GNAQ: variants seen among roughly 807,000 people sequenced by gnomAD.
The protein encoded by GNAQ is G protein subunit alpha q, also known as guanine nucleotide-binding protein G(q) subunit alpha.
In GNAQ, 8 loss-of-function variants were observed where a neutral mutation model predicts 43.9. The ratio of observed to expected loss-of-function variants is 0.18; its 90% CI spans 0.11 to 0.33. The LOEUF (loss-of-function observed/expected upper bound fraction) is 0.33, where lower values mean the gene tolerates loss of function less well. Ranked by LOEUF, GNAQ falls within the 10% of genes least tolerant of loss-of-function variation. The probability of loss-of-function intolerance (pLI) is 1.00; values close to 1 mark genes in which losing one functional copy is unlikely to be tolerated. For missense variants in GNAQ, 158 were observed against 450.8 expected, an observed-to-expected ratio of 0.35 and a Z score of 5.88; for synonymous variants, 155 against 170.7, an observed-to-expected ratio of 0.91 and a Z score of 0.71.
intron 1 of GNAQ, among the ~76,000 whole-genome samples, chr9:77,958,835 T>C (rs973109300): frequency 1.3e-5 from 2 of 152,062 alleles, no homozygotes; most frequent in Non-Finnish European, 2.9e-5. Context: ...CAAAATACAT[T>C]TGCAGACTGA....
intron 1 of GNAQ, among the ~76,000 whole-genome samples, chr9:78,029,540 C>A (rs1396528824): frequency 1.3e-5 from 2 of 152,002 alleles, no homozygotes; most frequent in African/African-American, 2.4e-5. Context: ...AAGCCCAACT[C>A]TTTCATCCAG....
At chr9:77,869,758 C>A (rs1454248470) in intron 2 of GNAQ, among the ~76,000 whole-genome samples, 2 of 152,122 alleles carry the variant, frequency 1.3e-5, no homozygotes, top group Non-Finnish European at 2.9e-5. Context: ...TCCTCATTGC[C>A]CTGCCTATAG....
chr9:77,906,266 G>C (rs531996221), intron 2 of GNAQ, among the ~76,000 whole-genome samples: 1 of 152,080 alleles, frequency 6.6e-6, no homozygotes, highest in Admixed American at 6.5e-5. Flanking sequence ...ATGAAATGAA[G>C]TACATCATCA....
intron 1 of GNAQ, among the ~76,000 whole-genome samples, chr9:77,952,485 G>C (rs191708601): frequency 2.2e-4 from 34 of 152,248 alleles, no homozygotes; most frequent in African/African-American, 7.7e-4. Context: ...AAGTATGTTA[G>C]CAGTATCCAA....
At chr9:78,014,122 C>G (rs991173114) in intron 1 of GNAQ, among the ~76,000 whole-genome samples, 26 of 151,862 alleles carry the variant, frequency 1.7e-4, no homozygotes, top group African/African-American at 6.3e-4. Context: ...GTGGAAAGCA[C>G]AACAAACCCA....
intron 1 of GNAQ, among the ~76,000 whole-genome samples, chr9:77,967,754 T>C (rs1357827956): frequency 6.6e-6 from 1 of 151,992 alleles, no homozygotes; most frequent in African/African-American, 2.4e-5. Context: ...CTGAGGCGGA[T>C]GGATCACCTG....
At position 77,907,816 on chromosome 9, in the gene GNAQ, C is replaced by A. The variant is rs151173052; in HGVS notation, c.321+14345G>T. ...GGCCCTTTGCTAGGTCCTGGGGACA[C>A]GGCAGTAACTTTAGCTGGCTGAAGT... On this transcript the variant is annotated intron_variant, in intron 2 of 6. Transcript: ENST00000286548. Among the ~76,000 whole-genome samples, 4 of 152,258 alleles carry A rather than the reference C, an allele frequency of 2.6e-5. No homozygotes were observed. The East Asian group carries it at 5.8e-4, about 22-fold the overall frequency.
intron 2 of GNAQ, among the ~76,000 whole-genome samples, chr9:77,837,376 A>AC (rs905228546): frequency 4.0e-5 from 6 of 151,842 alleles, no homozygotes; most frequent in Non-Finnish European, 4.4e-5. Flanking sequence ...ACATGGTGAG[A>AC]CCCCCGTCTC....
chr9:77,992,692 C>T (rs1302352782), intron 1 of GNAQ, among the ~76,000 whole-genome samples: 2 of 152,240 alleles, frequency 1.3e-5, no homozygotes, highest in East Asian at 3.9e-4. Flanking sequence ...GCCTGTAATC[C>T]TAGCACTTTG....
At chr9:77,785,609 C>T (rs1826464511) in intron 5 of GNAQ, among the ~76,000 whole-genome samples, 1 of 152,112 alleles carries the variant, frequency 6.6e-6, no homozygotes, top group Non-Finnish European at 1.5e-5. Context: ...AAGCTGAATA[C>T]TTATAATCTG....
At chr9:77,945,378 C>T (rs950451377) in intron 1 of GNAQ, among the ~76,000 whole-genome samples, 3 of 152,136 alleles carry the variant, frequency 2.0e-5, no homozygotes, top group African/African-American at 7.2e-5. Context: ...AAATTCCACA[C>T]TGCTTTGTTA....
At chr9:77,883,565 G>A (rs951831028) in intron 2 of GNAQ, among the ~76,000 whole-genome samples, 9 of 151,762 alleles carry the variant, frequency 5.9e-5, no homozygotes, top group Admixed American at 1.3e-4. Context: ...GCATACTGGC[G>A]GGGACTGGGC....
rs750702066 is a variant in GNAQ at position 77,979,494 on chromosome 9, A to G, written c.136+51606T>C. Among the ~76,000 whole-genome samples, 10 of 152,216 alleles carry G rather than the reference A, an allele frequency of 6.6e-5. No homozygotes were observed. In the South Asian group the frequency reaches 2.1e-3, roughly 32 times the overall value. ...AAAACTACACTCATATGACCTCAAT[A>G]CCAGCTGGAGTTCATCCCCTTCTAG... On this transcript the variant is annotated intron_variant, in intron 1 of 6. Transcript: ENST00000286548.
At chr9:77,814,051 G>T (rs1826972387) in intron 3 of GNAQ, among the ~76,000 whole-genome samples, 1 of 152,056 alleles carries the variant, frequency 6.6e-6, no homozygotes, top group African/African-American at 2.4e-5. Flanking sequence ...ATGGGAACAG[G>T]GAATGATGGA....
chr9:77,719,729 A>AT lies in GNAQ; in HGVS notation c.*1593dup, dbSNP rs1378781368. The AT allele has an allele frequency of 1.7e-5, 4 of 232,722 alleles. No individual in the cohort carries two copies. Among genetic ancestry groups the AT allele is most frequent in the Non-Finnish European group, 3.4e-5 (4 of 117,802 alleles). 14.4% of individuals were successfully genotyped at this position (232,722 alleles called of 1,614,324 possible). ...CTGCTTGACAGAAGCTTGTCAATAC[A>AT]TGTGCTGTATTTTTTTTGCATTTGT... On this transcript the variant is annotated 3_prime_UTR_variant, in exon 7 of 7. Coordinates refer to ENST00000286548, the MANE Select transcript of GNAQ (RefSeq NM_002072.5).
intron 5 of GNAQ, among the ~76,000 whole-genome samples, chr9:77,786,780 T>C (rs983915784): frequency 2.7e-4 from 41 of 152,216 alleles, no homozygotes; most frequent in African/African-American, 9.2e-4. Flanking sequence ...GTTTTATCTA[T>C]TAAATCTGAA....
At chr9:77,875,958 A>G (rs1477357855) in intron 2 of GNAQ, among the ~76,000 whole-genome samples, 4 of 152,202 alleles carry the variant, frequency 2.6e-5, no homozygotes, top group Admixed American at 6.5e-5. Flanking sequence ...GCATTTCCCC[A>G]AATCCAGTTG....
At chr9:77,989,235 A>C (rs1032533522) in intron 1 of GNAQ, among the ~76,000 whole-genome samples, 3 of 152,212 alleles carry the variant, frequency 2.0e-5, no homozygotes, top group African/African-American at 7.2e-5. Context: ...TTCTGTTTAT[A>C]AAAGCAAGTA....
At chr9:77,738,675 C>T (rs1825608983) in intron 5 of GNAQ, among the ~76,000 whole-genome samples, 1 of 152,114 alleles carries the variant, frequency 6.6e-6, no homozygotes, top group South Asian at 2.1e-4. Flanking sequence ...CCACTAGCTA[C>T]ATGTGGCTAC....
Sources: allele counts gnomAD v4.1 joint callset (sites outside exome capture counted in the v4.1 genomes callset), GRCh38; gene constraint gnomAD v4.1.1; transcripts MANE v1.5; gene names NCBI Gene and HGNC (gene_info 2026-07-23, HGNC 2026-07-21).